ATP13A4: variants seen among roughly 807,000 people sequenced by gnomAD.
The protein encoded by ATP13A4 is probable cation-transporting ATPase 13A4.
A neutral mutation model predicts 142.5 loss-of-function variants in ATP13A4; 114 were observed. The ratio of observed to expected loss-of-function variants is 0.80; its 90% confidence interval spans 0.69 to 0.93. ATP13A4 has a LOEUF of 0.93. Ranked by LOEUF, ATP13A4 falls within the 40% of genes least tolerant of loss-of-function variation. The pLI is 0.00. For missense variants in ATP13A4, 1,392 were observed against 1,454.0 expected (o/e 0.96, Z 0.69); for synonymous variants, 488 against 514.8 (o/e 0.95, Z 0.70).
rs968925266 is a variant in ATP13A4 at position 193,440,481 on chromosome 3, T to C, written c.2519+77A>G. The C allele has an allele frequency of 3.4e-5, 55 of 1,602,578 alleles. 1 individual carries two copies. In the African/African-American group the frequency reaches 5.6e-4, roughly 16 times the overall value. On this transcript the variant is annotated intron_variant, in intron 21 of 29. Transcript: ENST00000342695. ...CACTGCCCTTGTCAAACTGAGTGAC[T>C]CCTGGTACCTCTTCCACTCCCCCTG...
At chr3:193,589,415 G>C (rs536683670) in intron 1 of ATP13A4, among the ~76,000 whole-genome samples, 114 of 152,074 alleles carry the variant, frequency 7.5e-4, no homozygotes, top group Admixed American at 1.6e-3. Context: ...GATCTCCCAA[G>C]AAGAACTTTG....
intron 21 of ATP13A4, among the ~76,000 whole-genome samples, chr3:193,439,850 C>T (rs1716517779): frequency 6.6e-6 from 1 of 152,152 alleles, no homozygotes; most frequent in South Asian, 2.1e-4. Flanking sequence ...GCTTTCTGAG[C>T]TGAGAAGCTA....
intron 2 of ATP13A4, among the ~76,000 whole-genome samples, chr3:193,510,105 C>T (rs949002502): frequency 1.3e-5 from 2 of 152,092 alleles, no homozygotes; most frequent in African/African-American, 4.8e-5. Flanking sequence ...GTGTGGGAAA[C>T]GTGGGCTGTG....
At chr3:193,403,854 T>C in intron 29 of ATP13A4, 1 of 985,412 alleles carries the variant, frequency 1.0e-6, no homozygotes, top group Non-Finnish European at 1.2e-6. Context: ...TTAGAACTGA[T>C]TTTCATGTCT....
At chr3:193,558,107 C>T (rs1723942421), upstream of ATP13A4, among the ~76,000 whole-genome samples, 1 of 152,194 alleles carries the variant, frequency 6.6e-6, no homozygotes, top group Non-Finnish European at 1.5e-5. Flanking sequence ...ATAAATATCC[C>T]TACTGTTCCT....
intron 21 of ATP13A4, 102 bp from the exon 22 acceptor site, chr3:193,439,167 A>G (rs1249838696): frequency 4.0e-6 from 5 of 1,242,134 alleles, no homozygotes; most frequent in Non-Finnish European, 5.9e-6. Flanking sequence ...GTTCAAACTC[A>G]TTATTTAAGG....
chr3:193,566,187 C>T (rs1724128961), intron 2 of ATP13A4, among the ~76,000 whole-genome samples: 1 of 152,172 alleles, frequency 6.6e-6, no homozygotes, highest in Admixed American at 6.5e-5. Flanking sequence ...TGGACCTGCC[C>T]TTGTTCTCCT....
Position 193,467,459 on chromosome 3 carries a change from G to A in ATP13A4, c.971C>T (p.Pro324Leu), listed in dbSNP as rs142240483. The A allele has an allele frequency of 1.6e-4, 263 of 1,613,612 alleles. No homozygotes were observed. The highest frequency in any genetic ancestry group is 2.2e-4 in the Non-Finnish European group (255 of 1,179,986). Residue 324 changes from proline to leucine, a missense_variant, in exon 10 of 30, where the codon CCG (proline) becomes CTG (leucine). By Grantham distance (98) the Pro-to-Leu change is moderately conservative. Transcript: ENST00000342695. ...CACAGAGCTATCCATCTTGGGTAACGGAGTTTTGGTGACTGGAATACTTTC... is the reference window on the plus strand; with the variant it reads ...CACAGAGCTATCCATCTTGGGTAACAGAGTTTTGGTGACTGGAATACTTTC... ...TGESIPVTKT[P>L]LPKMDSSVPW...
At chr3:193,582,742 A>G (rs1444835978) in intron 1 of ATP13A4, among the ~76,000 whole-genome samples, 2 of 60,608 alleles carry the variant, frequency 3.3e-5, no homozygotes, top group South Asian at 4.3e-4. Context: ...ATATATATGT[A>G]TAATACATAT....
In ATP13A4 at chr3:193,587,283, G is replaced by A. The variant is rs74776314; in HGVS notation, n.92-5377C>T. Reference sequence around the variant, plus strand: ...TAGCAGGGCTGCATTCCTGCTGGAGGCTCTAAAGGAGAAGTCCTTGTTTGC... The same window carrying A: ...TAGCAGGGCTGCATTCCTGCTGGAGACTCTAAAGGAGAAGTCCTTGTTTGC... On this transcript the variant is annotated intron_variant and non_coding_transcript_variant, in intron 1 of 3. Transcript: ENST00000489140. Among the ~76,000 whole-genome samples, 10 of 152,314 alleles carry A rather than the reference G, an allele frequency of 6.6e-5. No homozygotes were observed. The South Asian group carries it at 1.0e-3, about 16-fold the overall frequency.
At chr3:193,475,913 G>A (rs1718937154) in intron 8 of ATP13A4, among the ~76,000 whole-genome samples, 1 of 151,972 alleles carries the variant, frequency 6.6e-6, no homozygotes, top group Admixed American at 6.6e-5. Context: ...GTCACTCTGA[G>A]GTTATTATAT....
chr3:193,584,780 C>T (rs1307197468), intron 1 of ATP13A4, among the ~76,000 whole-genome samples: 1 of 152,184 alleles, frequency 6.6e-6, no homozygotes, highest in Admixed American at 6.5e-5. Flanking sequence ...CTACCCACTT[C>T]CCATCCTCCT....
chr3:193,466,663 C>T (rs1032832376), intron 10 of ATP13A4, among the ~76,000 whole-genome samples: 1 of 152,196 alleles, frequency 6.6e-6, no homozygotes, highest in Non-Finnish European at 1.5e-5. Flanking sequence ...CTGTCAATTG[C>T]TGGCCATGGT....
chr3:193,532,734 G>A (rs946970864), intron 1 of ATP13A4, among the ~76,000 whole-genome samples: 1 of 152,080 alleles, frequency 6.6e-6, no homozygotes, highest in Admixed American at 6.6e-5. Context: ...AATCTGAAAT[G>A]AAAATTCTGT....
In ATP13A4 at chr3:193,466,098, C is replaced by A. The variant is rs375690030; in HGVS notation, c.1199G>T (p.Arg400Met). 19 of 1,613,950 alleles carry A rather than the reference C, an allele frequency of 1.2e-5. No homozygotes were observed. The highest frequency in any genetic ancestry group is 1.7e-5 in the Admixed American group (1 of 59,992). Residue 400 changes from arginine (R) to methionine (M), a missense_variant, in exon 11 of 30, where the codon AGG becomes ATG. Physicochemically the swap from Arg to Met is moderately conservative, Grantham distance 91. Transcript: ENST00000342695. Reference protein sequence around the residue: ...VNFQLYRDAIRFLLCLVGTAT... With the variant: ...VNFQLYRDAIMFLLCLVGTAT... Reference sequence around the variant, plus strand: ...TGTTCCTACAAGGCACAGGAGGAACCTGATGGCATCCCTGTACAACTGAAA... The same window carrying A: ...TGTTCCTACAAGGCACAGGAGGAACATGATGGCATCCCTGTACAACTGAAA...
intron 1 of ATP13A4, among the ~76,000 whole-genome samples, chr3:193,592,311 A>C (rs926746080): frequency 1.3e-5 from 2 of 152,114 alleles, no homozygotes; most frequent in African/African-American, 4.8e-5. Context: ...GGAAGGGGAA[A>C]GGAGTATTTA....
intron 9 of ATP13A4, among the ~76,000 whole-genome samples, chr3:193,468,108 G>A (rs1166716444): frequency 6.6e-6 from 1 of 152,164 alleles, no homozygotes; most frequent in Non-Finnish European, 1.5e-5. Context: ...GAACCCAGGA[G>A]GCAGAGGTTG....
intron 28 of ATP13A4, among the ~76,000 whole-genome samples, chr3:193,409,690 T>C (rs943759915): frequency 6.6e-6 from 1 of 152,188 alleles, no homozygotes; most frequent in Non-Finnish European, 1.5e-5. Context: ...GTGATGTAGT[T>C]ACAAAAATAA....
intron 2 of ATP13A4, among the ~76,000 whole-genome samples, chr3:193,580,589 T>C (rs1451929549): frequency 1.3e-5 from 2 of 152,134 alleles, no homozygotes; most frequent in Non-Finnish European, 2.9e-5. Flanking sequence ...GCCTAGTATA[T>C]ATATTTTTTT....
Sources: allele counts gnomAD v4.1 joint callset (sites outside exome capture counted in the v4.1 genomes callset), GRCh38; gene constraint gnomAD v4.1.1; transcripts MANE v1.5; gene names NCBI Gene and HGNC (gene_info 2026-07-23, HGNC 2026-07-21).